The following MYDGF variants were observed in gnomAD, a reference collection of about 807,000 sequenced individuals.
MYDGF encodes the protein myeloid derived growth factor.
In MYDGF, 29 loss-of-function variants were observed where a neutral mutation model predicts 24.2. That is an observed-to-expected ratio of 1.20 (90% CI 0.89 to 1.63). The LOEUF (loss-of-function observed/expected upper bound fraction) is 1.63, where lower values mean the gene tolerates loss of function less well. Ranked by LOEUF, MYDGF falls within the 40% of genes most tolerant of loss-of-function variation. The pLI, the probability that MYDGF is intolerant of heterozygous loss-of-function variation, is 0.00. For synonymous variants in MYDGF, 105 were observed against 102.5 expected, an observed-to-expected ratio of 1.02 and a Z score of -0.15; for missense variants, 245 against 234.8, an observed-to-expected ratio of 1.04 and a Z score of -0.29.
chr19:4,661,176 A>G (rs565894244), intron 3 of MYDGF, among the ~76,000 whole-genome samples: 16 of 152,154 alleles, frequency 1.1e-4, no homozygotes, highest in African/African-American at 3.9e-4. Flanking sequence ...CATGTTGGCC[A>G]GCCTGGCCTG....
At position 4,660,002 on chromosome 19, in the gene MYDGF, G is replaced by C. The variant is rs144768117; in HGVS notation, c.371C>G (p.Ser124Cys). 1.2e-6 allele frequency: 2 copies of C among 1,613,804 alleles called. No individual in the cohort carries two copies. Among genetic ancestry groups the C allele is most frequent in the Non-Finnish European group, 1.7e-6 (2 of 1,179,888 alleles). ...GAEIEYAMAY[S>C]KAAFERESDV... Reference sequence around the variant, plus strand: ...ACTTTCCCTTTCAAATGCGGCTTTAGACTGAAAAAGAATGAGTGGAAACTT... The same window carrying C: ...ACTTTCCCTTTCAAATGCGGCTTTACACTGAAAAAGAATGAGTGGAAACTT... The change falls in exon 5 of 6, where the codon TCT (serine) becomes TGT (cysteine). Residue 124 changes from serine (S) to cysteine (C), a missense_variant and splice_region_variant. Ser to Cys is a moderately radical substitution (Grantham distance 112). Coordinates refer to ENST00000262947, the MANE Select transcript of MYDGF (RefSeq NM_019107.4).
At chr19:4,663,921 T>C (rs2088500891) in intron 3 of MYDGF, among the ~76,000 whole-genome samples, 1 of 150,838 alleles carries the variant, frequency 6.6e-6, no homozygotes, top group South Asian at 2.1e-4. Flanking sequence ...TGCCTCAGCC[T>C]GCCTCCTTCA....
At chr19:4,666,654 A>G (rs541376950) in intron 2 of MYDGF, among the ~76,000 whole-genome samples, 4 of 152,318 alleles carry the variant, frequency 2.6e-5, no homozygotes, top group East Asian at 1.9e-4. Context: ...CACTTGTACA[A>G]TGAACCCTGG....
intron 2 of MYDGF, among the ~76,000 whole-genome samples, chr19:4,667,189 C>T (rs1002260373): frequency 5.1e-5 from 7 of 137,286 alleles, no homozygotes; most frequent in East Asian, 4.5e-4. Context: ...AGTGCAGTGG[C>T]GCGATCTTGG....
intron 2 of MYDGF, among the ~76,000 whole-genome samples, chr19:4,665,349 A>G (rs1015122823): frequency 6.6e-5 from 10 of 152,090 alleles, no homozygotes; most frequent in Non-Finnish European, 2.9e-5. Flanking sequence ...CAGCCTCCCA[A>G]GTAGCTGGGA....
In MYDGF at chr19:4,664,590, C is replaced by T. The variant is rs987160257; in HGVS notation, c.287+286G>A. Among the ~76,000 whole-genome samples the T allele has an allele frequency of 3.9e-5, 6 of 152,142 alleles. No homozygotes were observed. In the East Asian group the frequency reaches 5.8e-4, roughly 15 times the overall value. On this transcript the variant is annotated intron_variant, in intron 3 of 5. Coordinates refer to ENST00000262947, the MANE Select transcript of MYDGF (RefSeq NM_019107.4). The stretch of plus-strand genomic sequence containing the variant: ...TGGGGCCTTCCTGGGCCCTGGTCCA[C>T]GCTCCGCACCCTCTGAGCTGCTTCT...
chr19:4,663,955 T>A (rs1356015864), intron 3 of MYDGF, among the ~76,000 whole-genome samples: 2 of 151,228 alleles, frequency 1.3e-5, no homozygotes, highest in African/African-American at 4.9e-5. Context: ...GAGCTCCACA[T>A]GTTCCTGCAG....
chr19:4,663,408 A>C, intron 3 of MYDGF, among the ~76,000 whole-genome samples: 1 of 110,098 alleles, frequency 9.1e-6, no homozygotes, highest in African/African-American at 3.5e-5. Flanking sequence ...CACAGCCTCC[A>C]ATCTGTGCCC....
intron 5 of MYDGF, among the ~76,000 whole-genome samples, chr19:4,659,037 C>T (rs1406229830): frequency 6.6e-6 from 1 of 151,014 alleles, no homozygotes; most frequent in Non-Finnish European, 1.5e-5. Flanking sequence ...TCCTGGCCTC[C>T]CAAAGTGCTG....
intron 3 of MYDGF, among the ~76,000 whole-genome samples, chr19:4,664,300 G>A (rs2088503582): frequency 6.6e-6 from 1 of 152,076 alleles, no homozygotes; most frequent in Non-Finnish European, 1.5e-5. Flanking sequence ...AAAATGCTGT[G>A]CTTTATGGAA....
intron 5 of MYDGF, among the ~76,000 whole-genome samples, chr19:4,659,522 C>A (rs894304135): frequency 6.6e-6 from 1 of 152,008 alleles, no homozygotes. Flanking sequence ...CCGCACCCAG[C>A]CTGATTTTTA....
chr19:4,660,486 C>G, intron 4 of MYDGF, 183 bp downstream of exon 4: 1 of 577,164 alleles, frequency 1.7e-6, no homozygotes, highest in East Asian at 3.0e-5. Context: ...TACCAAACCC[C>G]CGTGCCCCTG....
chr19:4,660,782 C>T, intron 3 of MYDGF, 32 bp from the exon 4 acceptor site: 1 of 1,597,082 alleles, frequency 6.3e-7, no homozygotes, highest in African/African-American at 1.3e-5. Flanking sequence ...GGGAGTCAGG[C>T]CAGGCCTGCT....
chr19:4,660,097 A>T (rs1445704090), intron 4 of MYDGF, 94 bp from the exon 5 acceptor site: 10 of 1,240,920 alleles, frequency 8.1e-6, no homozygotes, highest in Non-Finnish European at 1.2e-5. Context: ...GCACAGACTA[A>T]AGCTTTCTAC....
Position 4,668,559 on chromosome 19 carries a change from G to A in MYDGF, c.225+36C>T, listed in dbSNP as rs1477297142. 4.4e-6 allele frequency: 7 copies of A among 1,578,094 alleles called. No individual in the cohort carries two copies. The East Asian group carries it at 9.0e-5, about 20-fold the overall frequency. ...ACATCTCCCTACAACAATGGATACT[G>A]TCACAGTAAGCTAGAGGGAATTTTG... On this transcript the variant is annotated intron_variant, in intron 2 of 5. Coordinates refer to ENST00000262947, the MANE Select transcript of MYDGF (RefSeq NM_019107.4).
chr19:4,664,154 G>A (rs1375899328), intron 3 of MYDGF, among the ~76,000 whole-genome samples: 4 of 152,062 alleles, frequency 2.6e-5, no homozygotes, highest in African/African-American at 9.7e-5. Context: ...AGGGGGATGC[G>A]TGGCTGCCAT....
intron 1 of MYDGF, among the ~76,000 whole-genome samples, chr19:4,669,509 T>C (rs2088546540): frequency 6.6e-6 from 1 of 152,034 alleles, no homozygotes; most frequent in Non-Finnish European, 1.5e-5. Context: ...TCCCAGGTAC[T>C]GGGGAGGCTG....
At chr19:4,660,887 C>CCGAGCA in intron 3 of MYDGF, 137 bp from the exon 4 acceptor site, 1 of 571,962 alleles carries the variant, frequency 1.7e-6, no homozygotes, top group Non-Finnish European at 3.0e-6. Context: ...GACGCCATTC[C>CCGAGCA]CGAGCACGAG....
At chr19:4,667,406 G>C (rs919510066) in intron 2 of MYDGF, among the ~76,000 whole-genome samples, 1 of 152,108 alleles carries the variant, frequency 6.6e-6, no homozygotes, top group African/African-American at 2.4e-5. Flanking sequence ...GGGATTACAG[G>C]CATGAGCCAG....
Sources: allele counts gnomAD v4.1 joint callset (sites outside exome capture counted in the v4.1 genomes callset), GRCh38; gene constraint gnomAD v4.1.1; transcripts MANE v1.5; gene names NCBI Gene and HGNC (gene_info 2026-07-23, HGNC 2026-07-21).